The following STK36 variants were observed in gnomAD, a reference collection of about 807,000 sequenced individuals.
The protein encoded by STK36 is serine/threonine kinase 36.
A neutral mutation model predicts 142.2 loss-of-function variants in STK36; 116 were observed. The observed-to-expected ratio is 0.82, with a 90% confidence interval of 0.70 to 0.95. The LOEUF (loss-of-function observed/expected upper bound fraction) is 0.95. Ranked by LOEUF, STK36 falls within the 40% of genes least tolerant of loss-of-function variation. The probability of loss-of-function intolerance (pLI) is 0.00; values close to 1 mark genes in which losing one functional copy is unlikely to be tolerated. For synonymous variants in STK36, 619 were observed against 641.7 expected (o/e 0.96, Z 0.53); for missense variants, 1,422 against 1,617.2 (o/e 0.88, Z 2.07).
chr2:218,699,480 G>A, intron 26 of STK36, 132 bp downstream of exon 26: 1 of 1,362,164 alleles, frequency 7.3e-7, no homozygotes, highest in Non-Finnish European at 9.7e-7. Flanking sequence ...CAGGGACAGT[G>A]TCTTGGAGTG....
Position 218,679,983 on chromosome 2 carries a change from A to C in STK36, c.1039A>C (p.Thr347Pro), listed in dbSNP as rs202022260. Residue 347 changes from threonine (T) to proline (P), a missense_variant, in exon 9 of 27, where the codon ACT (threonine) becomes CCT (proline). Around this residue, in one of 2 missense-constraint regions of STK36, gnomAD observed 460 missense variants for 449.6 expected, o/e 1.02. Transcript: ENST00000295709. ...GTAPLPRLGATPQESSLLAGI... is the reference protein window; with the variant it reads ...GTAPLPRLGAPPQESSLLAGI... The stretch of plus-strand genomic sequence containing the variant: ...AGCCCCTCTGCCCAGACTCGGGGCC[A>C]CTCCTCAGGAATCAAGCCTCCTGGC... The C allele has an allele frequency of 2.5e-6, 4 of 1,614,060 alleles. No homozygotes were observed. Among genetic ancestry groups the C allele is most frequent in the Admixed American group, 1.7e-5 (1 of 60,000 alleles).
Position 218,697,084 on chromosome 2 carries a change from T to C in STK36, c.2632T>C (p.Trp878Arg), listed in dbSNP as rs544578288. The change falls in exon 23 of 27, where the codon TGG (tryptophan) becomes CGG (arginine). Residue 878 changes from tryptophan to arginine, a missense_variant. Around this residue, in one of 2 missense-constraint regions of STK36, gnomAD observed 962 missense variants for 1,167.5 expected, o/e 0.82. Transcript: ENST00000295709. ...LIRDMSSSEM[W>R]TVLWHRFSMV... ...CAGGGATATGTCCAGTTCAGAAATGTGGACCGTTTTGTGGCACCGCTTCTC... is the reference window on the plus strand; with the variant it reads ...CAGGGATATGTCCAGTTCAGAAATGCGGACCGTTTTGTGGCACCGCTTCTC... 2 of 1,614,156 alleles carry C rather than the reference T, an allele frequency of 1.2e-6. No homozygotes were observed. Among genetic ancestry groups the C allele is most frequent in the South Asian group, 2.2e-5 (2 of 91,076 alleles).
chr2:218,678,000 C>G (rs933273767), intron 6 of STK36, among the ~76,000 whole-genome samples: 2 of 152,172 alleles, frequency 1.3e-5, no homozygotes, highest in East Asian at 3.8e-4. Context: ...ACCGTGTTAG[C>G]CAGGATGGTC....
chr2:218,692,814 C>G (rs948487187), intron 16 of STK36, 104 bp downstream of exon 16: 2 of 1,417,822 alleles, frequency 1.4e-6, no homozygotes, highest in African/African-American at 2.9e-5. Flanking sequence ...TTAAGCCCCT[C>G]CTTTAGTACT....
rs1191052800 is a variant in STK36 at position 218,685,184 on chromosome 2, T to C, written c.1336T>C (p.Phe446Leu). Reference sequence around the variant, plus strand: ...TCTCACCTTGCTGTGTAATCCTGACTTCTGCCAGCGCATCCAGAGTCAGCT... The same window carrying C: ...TCTCACCTTGCTGTGTAATCCTGACCTCTGCCAGCGCATCCAGAGTCAGCT... ...APLTLLCNPD[F>L]CQRIQSQLHE... The change falls in exon 11 of 27, where the codon TTC becomes CTC. Residue 446 changes from phenylalanine to leucine, a missense_variant. By Grantham distance (22) the Phe-to-Leu change is conservative. Around this residue, in one of 2 missense-constraint regions of STK36, gnomAD observed 962 missense variants for 1,167.5 expected, o/e 0.82. Coordinates refer to ENST00000295709, the MANE Select transcript of STK36 (RefSeq NM_015690.5). The C allele has an allele frequency of 6.2e-6, 10 of 1,614,166 alleles. No homozygotes were observed. The highest frequency in any genetic ancestry group is 7.6e-6 in the Non-Finnish European group (9 of 1,180,026).
At chr2:218,683,012 C>T (rs527868469) in intron 10 of STK36, among the ~76,000 whole-genome samples, 11 of 152,230 alleles carry the variant, frequency 7.2e-5, no homozygotes, top group African/African-American at 2.6e-4. Context: ...TAGAATGTTC[C>T]TCAAATTGAT....
At chr2:218,697,247 A>G in intron 23 of STK36, 34 bp downstream of exon 23, 1 of 1,591,416 alleles carries the variant, frequency 6.3e-7, no homozygotes, top group South Asian at 1.1e-5. Flanking sequence ...TTGGGAGTGC[A>G]TTGATCTCTC....
chr2:218,697,639 A>G (rs535874634), intron 24 of STK36, 29 bp downstream of exon 24: 1 of 1,612,906 alleles, frequency 6.2e-7, no homozygotes, highest in South Asian at 1.1e-5. Flanking sequence ...AGAGCCACAG[A>G]GTCAGCAACG....
Position 218,694,608 on chromosome 2 carries a change from C to A in STK36, c.2484C>A (p.Ala828=). The change falls in exon 21 of 27, where the codon GCC becomes GCA. Residue 828 remains alanine, a synonymous_variant. Coordinates refer to ENST00000295709, the MANE Select transcript of STK36 (RefSeq NM_015690.5). The surrounding 1 kb of genome is among the most constrained non-coding windows in gnomAD (Gnocchi z 4.4). The part of the protein sequence containing the change: ...DLQPMEWMAA[A]THALSAPAEV... ...AGCCCATGGAATGGATGGCTGCAGCCACACATGCCTTGTCTGCCCCTGCAG... is the reference window on the plus strand; with the variant it reads ...AGCCCATGGAATGGATGGCTGCAGCAACACATGCCTTGTCTGCCCCTGCAG... The A allele has an allele frequency of 6.2e-7, 1 of 1,614,242 alleles. No individual in the cohort carries two copies. The highest frequency in any genetic ancestry group is 8.5e-7 in the Non-Finnish European group (1 of 1,180,046).
chr2:218,675,580 A>C (rs1242245563), intron 5 of STK36, 107 bp downstream of exon 5: 14 of 1,342,042 alleles, frequency 1.0e-5, no homozygotes, highest in Non-Finnish European at 1.4e-5. Flanking sequence ...GCTGAAGTGC[A>C]ATGGTGCGAT....
intron 10 of STK36, among the ~76,000 whole-genome samples, chr2:218,684,330 G>A (rs1043125433): frequency 3.3e-5 from 5 of 149,270 alleles, no homozygotes; most frequent in African/African-American, 1.2e-4. Flanking sequence ...GGTCAGGCTG[G>A]TCTTGAACTC....
At chr2:218,700,879 G>T (rs1941415843) in intron 26 of STK36, among the ~76,000 whole-genome samples, 1 of 151,208 alleles carries the variant, frequency 6.6e-6, no homozygotes, top group East Asian at 2.1e-4. Flanking sequence ...GGGTGTGGTG[G>T]CAGGCGCCTG....
chr2:218,677,346 C>G (rs1940302596), intron 6 of STK36, among the ~76,000 whole-genome samples: 1 of 152,216 alleles, frequency 6.6e-6, no homozygotes, highest in Non-Finnish European at 1.5e-5. Context: ...GACCCCTCCT[C>G]CAACATTGGG....
rs1941151151 is a variant in STK36, at chr2:218,694,565, G to GGGTGC, written c.2445_2446insCGGTG (p.Thr816ArgfsTer2). ...CTATTGGGACAGCTTGGTCAGCAAGGGGTGACCTTTGACCTCCAGCCCATG... is the reference window on the plus strand; with the variant it reads ...CTATTGGGACAGCTTGGTCAGCAAGGGGTGCGGTGACCTTTGACCTCCAGCCCATG... On this transcript the variant is annotated frameshift_variant, in exon 21 of 27. Transcript: ENST00000295709. LOFTEE classifies it high-confidence loss of function. This position sits in a 1 kb window ranked among gnomAD's most constrained non-coding sequence, Gnocchi z 4.4. 2 of 1,614,234 alleles carry GGGTGC rather than the reference G, an allele frequency of 1.2e-6. No homozygotes were observed. The highest frequency in any genetic ancestry group is 1.7e-6 in the Non-Finnish European group (2 of 1,180,048).
Position 218,698,921 on chromosome 2 carries a change from G to A in STK36, c.3377G>A (p.Arg1126Gln), listed in dbSNP as rs149596377. ...CTGGGCCACCCAGAGAATTCTGTGC[G>A]GGCACACACTTATAGGCTCCTGGGA... Reference protein sequence around the residue: ...SLLGHPENSVRAHTYRLLGHL... With the variant: ...SLLGHPENSVQAHTYRLLGHL... The change falls in exon 26 of 27, where the codon CGG becomes CAG. Residue 1126 changes from arginine to glutamine, a missense_variant. Physicochemically the swap from Arg to Gln is conservative, Grantham distance 43 (BLOSUM62 1). Around this residue, in one of 2 missense-constraint regions of STK36, gnomAD observed 962 missense variants for 1,167.5 expected, o/e 0.82. Coordinates refer to ENST00000295709, the MANE Select transcript of STK36 (RefSeq NM_015690.5). 30 of 1,613,984 alleles carry A rather than the reference G, an allele frequency of 1.9e-5. No individual in the cohort carries two copies. The African/African-American group carries it at 3.1e-4, about 17-fold the overall frequency.
chr2:218,697,280 C>T, intron 23 of STK36, 67 bp downstream of exon 23: 3 of 1,554,280 alleles, frequency 1.9e-6, no homozygotes, highest in Non-Finnish European at 2.6e-6. Context: ...CAGCCCAGAA[C>T]TGGGTTAACC....
chr2:218,672,803 CTTCT>C lies in STK36; in HGVS notation c.-26_-23del, dbSNP rs778240224. The C allele has an allele frequency of 2.5e-6, 4 of 1,611,732 alleles. No individual in the cohort carries two copies. The highest frequency in any genetic ancestry group is 2.5e-6 in the Non-Finnish European group (3 of 1,177,922). On this transcript the variant is annotated 5_prime_UTR_variant, in exon 2 of 27. The change abolishes the stop of an existing upstream ORF in the 5' untranslated region. Transcript: ENST00000295709. ...GCTCTTCACCGTCTCTACTTTCTTC[CTTCT>C]AAGAGATCCTGAAACCTCTGTCATG...
At chr2:218,697,664 A>C (rs1941289004) in intron 24 of STK36, 54 bp downstream of exon 24, 1 of 1,608,634 alleles carries the variant, frequency 6.2e-7, no homozygotes, top group African/African-American at 1.3e-5. Context: ...GGGAGAAAGA[A>C]GAAGGCAGGA....
chr2:218,679,992 G>A lies in STK36; in HGVS notation c.1048G>A (p.Glu350Lys). 1 of 1,614,182 alleles carries A rather than the reference G, an allele frequency of 6.2e-7. No homozygotes were observed. Among genetic ancestry groups the A allele is most frequent in the South Asian group, 1.1e-5 (1 of 91,082 alleles). The change falls in exon 9 of 27, where the codon GAA becomes AAA. Residue 350 changes from glutamate (E) to lysine (K), a missense_variant. Physicochemically the swap from Glu to Lys is moderately conservative, Grantham distance 56. This residue lies in a region of STK36 where 460 missense variants were observed against 449.6 expected (regional missense o/e 1.02). Transcript: ENST00000295709. ...PLPRLGATPQ[E>K]SSLLAGILAS... ...GCCCAGACTCGGGGCCACTCCTCAG[G>A]AATCAAGCCTCCTGGCCGGGATCTT...
Sources: gnomAD v4.1 joint callset for allele counts (sites outside exome capture counted in the v4.1 genomes callset) on GRCh38, gnomAD v4.1.1 for gene constraint, gnomAD v4.1.1 regional missense constraint, Gnocchi (gnomAD v3.1) non-coding constraint, MANE v1.5 for transcripts, NCBI Gene and HGNC (gene_info 2026-07-23, HGNC 2026-07-21) for gene names.